TLN2: variants seen among roughly 807,000 people sequenced by gnomAD.
TLN2 encodes the protein talin-2.
Under a neutral mutation model 294.7 loss-of-function variants are expected in TLN2, and 118 were observed. That is an observed-to-expected ratio of 0.40 (90% CI 0.34 to 0.47). The LOEUF (loss-of-function observed/expected upper bound fraction) is 0.47, where lower values mean the gene tolerates loss of function less well. Among genes scored for constraint, TLN2 ranks in the 20% least tolerant of loss-of-function variants. TLN2 has a pLI of 0.84. For synonymous variants in TLN2, 1,431 were observed against 1,304.5 expected, an observed-to-expected ratio of 1.10 and a Z score of -2.09; for missense variants, 3,083 against 3,282.2, an observed-to-expected ratio of 0.94 and a Z score of 1.48.
At chr15:62,562,530 CATTTATTTATTT>C (rs34080138) in intron 1 of TLN2, among the ~76,000 whole-genome samples, 1 of 150,222 alleles carries the variant, frequency 6.7e-6, no homozygotes, top group East Asian at 2.0e-4. Flanking sequence ...ATCTCTCCTC[CATTTATTTATTT>C]ATTTATTTAT....
rs577671385 is a variant in TLN2, at chr15:62,596,609, G to A, written c.-162+6847G>A. On this transcript the variant is annotated intron_variant, in intron 2 of 58. Coordinates refer to ENST00000636159, the MANE Select transcript of TLN2 (RefSeq NM_015059.3). Reference sequence around the variant, plus strand: ...CAAAACTAGCCAGGCATGATGGTGCGTGCCTGCAGTTCCAGCTACTCTGGA... The same window carrying A: ...CAAAACTAGCCAGGCATGATGGTGCATGCCTGCAGTTCCAGCTACTCTGGA... Among the ~76,000 whole-genome samples, 138 of 152,020 alleles carry A rather than the reference G, an allele frequency of 9.1e-4. 1 individual carries two copies. The highest frequency in any genetic ancestry group is 3.1e-3 in the African/African-American group (130 of 41,466).
chr15:62,437,572 G>T (rs2035345350), intron 1 of TLN2, among the ~76,000 whole-genome samples: 1 of 152,170 alleles, frequency 6.6e-6, no homozygotes, highest in Non-Finnish European at 1.5e-5. Context: ...CTAGGTGTTT[G>T]TTGGTATAGG....
intron 44 of TLN2, among the ~76,000 whole-genome samples, chr15:62,783,100 C>G (rs959605255): frequency 6.6e-6 from 1 of 152,220 alleles, no homozygotes; most frequent in Non-Finnish European, 1.5e-5. Flanking sequence ...AAAGGCAGAA[C>G]TTGACCATGT....
chr15:62,602,866 C>CT (rs1168318291), intron 2 of TLN2, among the ~76,000 whole-genome samples: 7,293 of 133,466 alleles, frequency 0.055, 319 homozygotes, highest in African/African-American at 0.13. Context: ...GAGGTGTTTG[C>CT]TTTTTTTTTT....
chr15:62,492,222 C>T (rs922074546), intron 1 of TLN2, among the ~76,000 whole-genome samples: 4 of 152,020 alleles, frequency 2.6e-5, no homozygotes, highest in South Asian at 4.2e-4. Flanking sequence ...GAGGCTGAGG[C>T]GGGTGGATCA....
intron 1 of TLN2, among the ~76,000 whole-genome samples, chr15:62,560,302 G>A: frequency 6.6e-6 from 1 of 152,036 alleles, no homozygotes; most frequent in East Asian, 1.9e-4. Context: ...GTGCGGTGGC[G>A]GTATCTTGGC....
intron 24 of TLN2, among the ~76,000 whole-genome samples, chr15:62,718,089 C>G (rs2059899841): frequency 6.6e-6 from 1 of 152,194 alleles, no homozygotes; most frequent in Non-Finnish European, 1.5e-5. Flanking sequence ...ATAATTGCAC[C>G]TCAAGGATTT....
intron 3 of TLN2, among the ~76,000 whole-genome samples, chr15:62,635,297 A>G (rs1417654758): frequency 1.3e-5 from 2 of 151,572 alleles, no homozygotes; most frequent in Non-Finnish European, 2.9e-5. Context: ...AAGAGGTTTC[A>G]AAAAAAAATC....
At position 62,762,276 on chromosome 15, in the gene TLN2, C is replaced by T. The variant is rs751977221; in HGVS notation, c.4784C>T (p.Ser1595Phe). The T allele has an allele frequency of 4.6e-5, 75 of 1,613,968 alleles. No homozygotes were observed. Among genetic ancestry groups the T allele is most frequent in the Non-Finnish European group, 6.2e-5 (73 of 1,179,988 alleles). ...SIPAQISSEG[S>F]QAQEPILVSA... is the part of the protein sequence containing the mutation. ...TTCTCTGCTGTTTGGTCTCAGGGTT[C>T]CCAGGCACAGGAACCAATCCTGGTC... Residue 1595 changes from serine to phenylalanine, a missense_variant, in exon 39 of 59, where the codon TCC becomes TTC. Transcript: ENST00000636159.
rs148012516 is a variant in TLN2, at chr15:62,610,255, T to C, written c.-161-8096T>C. 7.8e-3 allele frequency among the ~76,000 whole-genome samples: 1,184 copies of C among 152,348 alleles called. 20 individuals are homozygous for C. The highest frequency in any genetic ancestry group is 0.027 in the African/African-American group (1,134 of 41,576). On this transcript the variant is annotated intron_variant, in intron 2 of 58. Transcript: ENST00000636159. ...ATTTACAGTAATTATTTTATTACAG[T>C]AGTTATATTCTATAAAGTATCTTCA... is the stretch of plus-strand genomic sequence containing the variant.
At chr15:62,493,901 A>G (rs1390173064) in intron 1 of TLN2, among the ~76,000 whole-genome samples, 1 of 152,042 alleles carries the variant, frequency 6.6e-6, no homozygotes, top group Non-Finnish European at 1.5e-5. Flanking sequence ...GTGAGCCACC[A>G]TGCCTGGCCG....
intron 1 of TLN2, among the ~76,000 whole-genome samples, chr15:62,420,880 G>C (rs930191784): frequency 6.6e-6 from 1 of 152,158 alleles, no homozygotes; most frequent in Non-Finnish European, 1.5e-5. Context: ...CAGGAGACAA[G>C]ATAAGGGTAA....
chr15:62,775,460 A>G (rs2063652130), intron 42 of TLN2, among the ~76,000 whole-genome samples: 1 of 152,176 alleles, frequency 6.6e-6, no homozygotes, highest in Non-Finnish European at 1.5e-5. Context: ...TACTTCACTC[A>G]TCCCAAAGAG....
At chr15:62,651,222 C>T (rs2052552690) in intron 5 of TLN2, among the ~76,000 whole-genome samples, 1 of 152,186 alleles carries the variant, frequency 6.6e-6, no homozygotes, top group Non-Finnish European at 1.5e-5. Flanking sequence ...CTCAGCCTTG[C>T]AGGAGGTCAT....
intron 9 of TLN2, among the ~76,000 whole-genome samples, chr15:62,664,597 G>A (rs1353327718): frequency 2.6e-5 from 4 of 151,878 alleles, no homozygotes; most frequent in African/African-American, 9.7e-5. Flanking sequence ...GTTGGCCCAC[G>A]CCTGTAATCC....
intron 1 of TLN2, among the ~76,000 whole-genome samples, chr15:62,535,272 A>T (rs1275968655): frequency 6.6e-6 from 1 of 152,074 alleles, no homozygotes; most frequent in Non-Finnish European, 1.5e-5. Flanking sequence ...CAAAACTCAG[A>T]AACCTCCCCA....
chr15:62,581,043 C>T (rs545207336), intron 1 of TLN2, among the ~76,000 whole-genome samples: 1 of 151,932 alleles, frequency 6.6e-6, no homozygotes, highest in Non-Finnish European at 1.5e-5. Flanking sequence ...ACCACCATGC[C>T]CGGCTAATTT....
intron 11 of TLN2, among the ~76,000 whole-genome samples, chr15:62,676,305 G>C (rs1015180696): frequency 3.3e-5 from 5 of 152,170 alleles, no homozygotes; most frequent in African/African-American, 1.2e-4. Flanking sequence ...ACTGCATGCT[G>C]ATTAGTTATT....
At chr15:62,608,607 T>C (rs1044812129) in intron 2 of TLN2, among the ~76,000 whole-genome samples, 11 of 152,006 alleles carry the variant, frequency 7.2e-5, no homozygotes, top group African/African-American at 2.7e-4. Flanking sequence ...GGGTGGATTG[T>C]GAAGTTACTG....
Sources: gnomAD v4.1 joint callset for allele counts (sites outside exome capture counted in the v4.1 genomes callset) on GRCh38, gnomAD v4.1.1 for gene constraint, MANE v1.5 for transcripts, NCBI Gene and HGNC (gene_info 2026-07-23, HGNC 2026-07-21) for gene names.